SORBS3: variants seen among roughly 807,000 people sequenced by gnomAD.
The protein encoded by SORBS3 is vinexin.
Under a neutral mutation model 98.0 loss-of-function variants are expected in SORBS3, and 69 were observed. That is an observed-to-expected ratio of 0.70 (90% CI 0.58 to 0.86). SORBS3 has a LOEUF of 0.86. Among genes scored for constraint, SORBS3 ranks in the 40% least tolerant of loss-of-function variants. The pLI is 0.00. For synonymous variants in SORBS3, 394 were observed against 355.4 expected (o/e 1.11, Z -1.22); for missense variants, 954 against 908.5 (o/e 1.05, Z -0.64).
upstream of SORBS3, among the ~76,000 whole-genome samples, chr8:22,549,212 G>A (rs901081627): frequency 5.9e-5 from 9 of 152,370 alleles, no homozygotes; most frequent in Non-Finnish European, 1.2e-4. Context: ...CGACTTGCAG[G>A]GAGGGAGGCC....
chr8:22,560,883 A>ACG (rs1563822296), intron 5 of SORBS3: 1 of 140,214 alleles, frequency 7.1e-6, no homozygotes, highest in African/African-American at 2.8e-5. Flanking sequence ...GCGCGCGCGC[A>ACG]CGCGCCGTGG....
At chr8:22,546,526 T>C (rs1840017656) in intron 1 of SORBS3, among the ~76,000 whole-genome samples, 1 of 152,202 alleles carries the variant, frequency 6.6e-6, no homozygotes, top group Admixed American at 6.5e-5. Flanking sequence ...CAACTCAGAA[T>C]CCACTCCCCA....
chr8:22,565,966 G>C, intron 12 of SORBS3, 94 bp downstream of exon 12: 1 of 880,314 alleles, frequency 1.1e-6, no homozygotes, highest in Non-Finnish European at 1.5e-6. Context: ...GGGCGATCGC[G>C]GGGCCCAGCC....
intron 13 of SORBS3, 22 bp downstream of exon 13, chr8:22,566,506 C>G: frequency 3.1e-6 from 5 of 1,609,382 alleles, no homozygotes; most frequent in East Asian, 2.2e-5. Flanking sequence ...GCCCTGCTCT[C>G]TTTCTCACGG....
In SORBS3 at chr8:22,563,290, G is replaced by A. The variant is rs891131279; in HGVS notation, c.585-697G>A. On this transcript the variant is annotated intron_variant, in intron 7 of 20. Coordinates refer to ENST00000240123, the MANE Select transcript of SORBS3 (RefSeq NM_005775.5). ...CCTGATGCAGTGGTTCCTCTCAGTG[G>A]AAACTTTCAAACAGAGGCTGGAACA... Among the ~76,000 whole-genome samples the A allele has an allele frequency of 3.3e-5, 5 of 152,312 alleles. No individual in the cohort carries two copies. The South Asian group carries it at 1.0e-3, about 32-fold the overall frequency.
intron 3 of SORBS3, among the ~76,000 whole-genome samples, chr8:22,556,112 C>A (rs116972760): frequency 1.1e-3 from 172 of 152,312 alleles, no homozygotes; most frequent in Middle Eastern, 6.8e-3. Flanking sequence ...GCCCTAGCTA[C>A]TTAGAGGCTA....
At chr8:22,563,242 C>G (rs1840332861) in intron 7 of SORBS3, among the ~76,000 whole-genome samples, 1 of 152,202 alleles carries the variant, frequency 6.6e-6, no homozygotes, top group South Asian at 2.1e-4. Context: ...AACCCTTGGT[C>G]AGACGTTGTA....
chr8:22,552,658 G>A (rs1297497920), intron 1 of SORBS3, among the ~76,000 whole-genome samples: 1 of 152,210 alleles, frequency 6.6e-6, no homozygotes, highest in African/African-American at 2.4e-5. Flanking sequence ...CACGAGGTGG[G>A]CGGGGAGGTC....
At chr8:22,567,040 G>A (rs375964146) in intron 15 of SORBS3, 21 bp from the exon 16 acceptor site, 21 of 1,595,396 alleles carry the variant, frequency 1.3e-5, no homozygotes, top group African/African-American at 2.7e-5. Flanking sequence ...CTTACCCTGC[G>A]GTCCTCGTCC....
chr8:22,550,667 CTT>C (rs1436953955), upstream of SORBS3, among the ~76,000 whole-genome samples: 1 of 152,250 alleles, frequency 6.6e-6, no homozygotes, highest in African/African-American at 2.4e-5. Flanking sequence ...TCTCTACTCT[CTT>C]TCTTTCCAAA....
chr8:22,553,895 T>C (rs1011464336), intron 1 of SORBS3, among the ~76,000 whole-genome samples: 1 of 152,062 alleles, frequency 6.6e-6, no homozygotes, highest in African/African-American at 2.4e-5. Context: ...TCTTGCTGCC[T>C]GGAAATGCCC....
In SORBS3 at chr8:22,556,732, A is replaced by G; in HGVS notation, c.238A>G (p.Thr80Ala). 1 of 1,613,708 alleles carries G rather than the reference A, an allele frequency of 6.2e-7. No homozygotes were observed. Among genetic ancestry groups the G allele is most frequent in the South Asian group, 1.1e-5 (1 of 91,080 alleles). Residue 80 changes from threonine to alanine, a missense_variant, in exon 4 of 21, where the codon ACC becomes GCC. By Grantham distance (58) the Thr-to-Ala change is moderately conservative. Coordinates refer to ENST00000240123, the MANE Select transcript of SORBS3 (RefSeq NM_005775.5). ...CCCAACAGACCCTGCGTGGTATCAGACCTGGCCAGGCCCTGGGAGCAAGCC... is the reference window on the plus strand; with the variant it reads ...CCCAACAGACCCTGCGTGGTATCAGGCCTGGCCAGGCCCTGGGAGCAAGCC... ...SQHPDPAWYQ[T>A]WPGPGSKPSA...
intron 20 of SORBS3, among the ~76,000 whole-genome samples, chr8:22,573,924 C>G (rs1384132467): frequency 1.3e-5 from 2 of 152,202 alleles, no homozygotes; most frequent in Non-Finnish European, 2.9e-5. Context: ...GAGCCCTGGT[C>G]CTTTCCACCA....
In SORBS3 at chr8:22,556,549, T is replaced by G. The variant is rs115793890; in HGVS notation, c.221-166T>G. On this transcript the variant is annotated intron_variant, in intron 3 of 20. Coordinates refer to ENST00000240123, the MANE Select transcript of SORBS3 (RefSeq NM_005775.5). ...CAAGATCAAATCCATTTAAATTCAC[T>G]TAAACAAACAGAGGCCCGTGGTGCT... 1,738 of 634,330 alleles carry G rather than the reference T, an allele frequency of 2.7e-3. 32 individuals are homozygous for G. The African/African-American group carries it at 0.028, about 10-fold the overall frequency. The allele number at this position is 634,330 out of a possible 1,614,324, so 39.3% of individuals were successfully genotyped here.
chr8:22,551,773 G>C (rs1057210128), upstream of SORBS3: 1 of 984,768 alleles, frequency 1.0e-6, no homozygotes, highest in Non-Finnish European at 1.2e-6. The surrounding 1 kb of genome is among the most constrained non-coding windows in gnomAD (Gnocchi z 5.8). Flanking sequence ...CCAGATCCGA[G>C]ACCCAAACTC....
rs748002524 is a variant in SORBS3 at position 22,554,913 on chromosome 8, C to G, written c.153C>G (p.His51Gln). 1.5e-5 allele frequency: 24 copies of G among 1,613,474 alleles called. No homozygotes were observed. The Admixed American group carries it at 4.0e-4, about 27-fold the overall frequency. ...CCAACACCCTTAATTTCCAGTTCCA[C>G]GACCCCGCGCCCAGGACTGTGTGCA... is the stretch of plus-strand genomic sequence containing the variant. ...GGSNTLNFQF[H>Q]DPAPRTVCNG... The change falls in exon 3 of 21, where the codon CAC (histidine) becomes CAG (glutamine). Residue 51 changes from histidine to glutamine, a missense_variant. Physicochemically the swap from His to Gln is conservative, Grantham distance 24. Transcript: ENST00000240123. The surrounding 1 kb of genome is among the most constrained non-coding windows in gnomAD (Gnocchi z 6.5).
chr8:22,568,804 C>T (rs1037724091), intron 16 of SORBS3, among the ~76,000 whole-genome samples: 2 of 152,182 alleles, frequency 1.3e-5, no homozygotes, highest in Non-Finnish European at 2.9e-5. Flanking sequence ...CCCCAAGTTC[C>T]CCTTGCTGCT....
chr8:22,549,433 T>G (rs1840050680), upstream of SORBS3, among the ~76,000 whole-genome samples: 1 of 152,204 alleles, frequency 6.6e-6, no homozygotes, highest in Admixed American at 6.5e-5. Flanking sequence ...GACACCTGGT[T>G]CCTGGCTCAA....
chr8:22,562,039 C>G, intron 7 of SORBS3, 108 bp downstream of exon 7: 3 of 1,034,750 alleles, frequency 2.9e-6, no homozygotes, highest in Non-Finnish European at 4.5e-6. Flanking sequence ...CGGAGCCCAG[C>G]CAGGAGTGGG....
Sources: allele counts gnomAD v4.1 joint callset (sites outside exome capture counted in the v4.1 genomes callset), GRCh38; gene constraint gnomAD v4.1.1; non-coding constraint Gnocchi (gnomAD v3.1); transcripts MANE v1.5; gene names NCBI Gene and HGNC (gene_info 2026-07-23, HGNC 2026-07-21).